The following GNAZ variants were observed in gnomAD, a reference collection of about 807,000 sequenced individuals.
GNAZ encodes the protein guanine nucleotide-binding protein G(z) subunit alpha.
A neutral mutation model predicts 25.4 loss-of-function variants in GNAZ; 3 were observed. The ratio of observed to expected loss-of-function variants is 0.12; its 90% CI spans 0.05 to 0.30. The LOEUF is 0.30. GNAZ is among the 10% of genes least tolerant of loss of function. GNAZ has a pLI of 1.00. For synonymous variants in GNAZ, 211 were observed against 205.7 expected, an observed-to-expected ratio of 1.03 and a Z score of -0.22; for missense variants, 241 against 501.8, an observed-to-expected ratio of 0.48 and a Z score of 4.97.
At chr22:23,109,754 A>C (rs964016336) in intron 2 of GNAZ, among the ~76,000 whole-genome samples, 1 of 152,222 alleles carries the variant, frequency 6.6e-6, no homozygotes, top group Non-Finnish European at 1.5e-5. Flanking sequence ...AGAGGAATGG[A>C]AACAGCTGCC....
intron 1 of GNAZ, among the ~76,000 whole-genome samples, chr22:23,080,957 C>T (rs537232497): frequency 2.0e-4 from 31 of 152,366 alleles, no homozygotes; most frequent in Admixed American, 6.5e-4. Flanking sequence ...CTAGAACCCC[C>T]TTGCCCTTCC....
chr22:23,079,424 G>A (rs1488416603), intron 1 of GNAZ, among the ~76,000 whole-genome samples: 2 of 152,176 alleles, frequency 1.3e-5, no homozygotes, highest in African/African-American at 4.8e-5. Flanking sequence ...GAGGGATGGT[G>A]CTAGAGAGGC....
At chr22:23,121,720 CT>C (rs10598505) in intron 2 of GNAZ, among the ~76,000 whole-genome samples, 8,743 of 123,052 alleles carry the variant, frequency 0.071, 750 homozygotes, top group African/African-American at 0.25. Context: ...AGAAAAGTTC[CT>C]TTTTTTTTTT....
chr22:23,101,323 C>T lies in GNAZ; in HGVS notation c.723+4905C>T, dbSNP rs191075778. ...TCCAGTGGCCCCCCTCTTCACCATACTGGTCCCACATCCTGTGGGTGCTGG... is the reference window on the plus strand; with the variant it reads ...TCCAGTGGCCCCCCTCTTCACCATATTGGTCCCACATCCTGTGGGTGCTGG... On this transcript the variant is annotated intron_variant, in intron 2 of 2. Transcript: ENST00000615612. 5.3e-4 allele frequency among the ~76,000 whole-genome samples: 80 copies of T among 152,288 alleles called. 1 individual carries two copies. In the East Asian group the frequency reaches 0.012, roughly 23 times the overall value.
intron 2 of GNAZ, among the ~76,000 whole-genome samples, chr22:23,106,112 G>A (rs144687331): frequency 2.6e-5 from 4 of 152,296 alleles, no homozygotes; most frequent in East Asian, 1.9e-4. Context: ...CGTGACTCCC[G>A]CCACATATCA....
chr22:23,109,900 C>G (rs748447308), intron 2 of GNAZ, among the ~76,000 whole-genome samples: 21 of 152,202 alleles, frequency 1.4e-4, no homozygotes, highest in Admixed American at 3.3e-4. Flanking sequence ...TGAGGCTGGC[C>G]GTCAGCACCA....
chr22:23,112,303 G>A (rs780501696), intron 2 of GNAZ, among the ~76,000 whole-genome samples: 4 of 152,194 alleles, frequency 2.6e-5, no homozygotes, highest in Non-Finnish European at 4.4e-5. Context: ...GGCATCCTTC[G>A]GCCCCGCCCC....
intron 2 of GNAZ, among the ~76,000 whole-genome samples, chr22:23,115,009 G>T (rs1601828191): frequency 6.6e-6 from 1 of 152,190 alleles, no homozygotes; most frequent in Admixed American, 6.5e-5. Flanking sequence ...CTGGTTCCAG[G>T]AAGAGCTGAA....
chr22:23,091,856 CCT>C (rs1174222545), intron 1 of GNAZ, among the ~76,000 whole-genome samples: 1 of 152,170 alleles, frequency 6.6e-6, no homozygotes, highest in East Asian at 1.9e-4. Context: ...TTGCCTGGTA[CCT>C]CTCTCCTCCT....
chr22:23,079,216 A>G (rs2068602043), intron 1 of GNAZ, among the ~76,000 whole-genome samples: 4 of 152,262 alleles, frequency 2.6e-5, no homozygotes, highest in Admixed American at 2.0e-4. Flanking sequence ...GGGGCAAGGC[A>G]GCACACGTGG....
intron 1 of GNAZ, among the ~76,000 whole-genome samples, chr22:23,079,913 G>C (rs1043185485): frequency 5.3e-5 from 8 of 152,200 alleles, no homozygotes; most frequent in African/African-American, 1.9e-4. Context: ...GGATGGGATT[G>C]TGGGATGCCA....
intron 2 of GNAZ, among the ~76,000 whole-genome samples, chr22:23,107,727 G>T (rs1388022278): frequency 1.3e-5 from 2 of 152,186 alleles, no homozygotes; most frequent in Admixed American, 6.5e-5. Flanking sequence ...ACCCCAGGGG[G>T]TTGGCCGCAG....
intron 2 of GNAZ, among the ~76,000 whole-genome samples, chr22:23,100,893 G>A (rs1181448545): frequency 6.6e-6 from 1 of 152,184 alleles, no homozygotes; most frequent in East Asian, 1.9e-4. Flanking sequence ...GCCGTCCTGT[G>A]AACACAGCGT....
intron 2 of GNAZ, among the ~76,000 whole-genome samples, chr22:23,109,878 C>A (rs58106855): frequency 6.6e-6 from 1 of 152,218 alleles, no homozygotes; most frequent in African/African-American, 2.4e-5. Flanking sequence ...CAGCCCCCCA[C>A]CTCTCAGTTC....
At chr22:23,098,903 C>G (rs2069206169) in intron 2 of GNAZ, among the ~76,000 whole-genome samples, 1 of 152,244 alleles carries the variant, frequency 6.6e-6, no homozygotes, top group Non-Finnish European at 1.5e-5. Context: ...TGGCACAGGG[C>G]TGCCACTCTG....
chr22:23,114,386 GC>G (rs1015904560), intron 2 of GNAZ, among the ~76,000 whole-genome samples: 4 of 152,180 alleles, frequency 2.6e-5, no homozygotes, highest in African/African-American at 9.7e-5. Flanking sequence ...GGACAGACCG[GC>G]CCCGGCCCCA....
intron 2 of GNAZ, among the ~76,000 whole-genome samples, chr22:23,115,272 G>A (rs1045194637): frequency 2.0e-5 from 3 of 152,196 alleles, no homozygotes; most frequent in Middle Eastern, 3.2e-3. Context: ...GCTGAGGTAT[G>A]TGACAAGGCT....
rs961615296 is a variant in GNAZ, at chr22:23,096,521, A to G, written c.723+103A>G. ...AGGACAGTCTGCAGCCAGAAAGGGA[A>G]CCAGGCGCAGGCCTGGCCCTGCTGC... is the stretch of plus-strand genomic sequence containing the variant. On this transcript the variant is annotated intron_variant, in intron 2 of 2. Transcript: ENST00000615612. 3.2e-6 allele frequency: 4 copies of G among 1,247,460 alleles called. No individual in the cohort carries two copies. In the African/African-American group the frequency reaches 6.0e-5, roughly 19 times the overall value. 77.3% of individuals were successfully genotyped at this position (1,247,460 alleles called of 1,614,324 possible).
In GNAZ at chr22:23,111,321, C is replaced by T. The variant is rs74635008; in HGVS notation, c.724-11766C>T. ...CTGGCTCTGTACCGAGCAGGGGGTGCGGCCACAAATCTCCAAGCCCAGGCC... is the reference window on the plus strand; with the variant it reads ...CTGGCTCTGTACCGAGCAGGGGGTGTGGCCACAAATCTCCAAGCCCAGGCC... On this transcript the variant is annotated intron_variant, in intron 2 of 2. Coordinates refer to ENST00000615612, the MANE Select transcript of GNAZ (RefSeq NM_002073.4). 5.7e-3 allele frequency among the ~76,000 whole-genome samples: 862 copies of T among 152,302 alleles called. 26 individuals are homozygous for T. In the East Asian group the frequency reaches 0.084, roughly 15 times the overall value.
Sources: gnomAD v4.1 joint callset for allele counts (sites outside exome capture counted in the v4.1 genomes callset) on GRCh38, gnomAD v4.1.1 for gene constraint, MANE v1.5 for transcripts, NCBI Gene and HGNC (gene_info 2026-07-23, HGNC 2026-07-21) for gene names.